Variants in CACNA1C observed in about 807,000 individuals in gnomAD.
CACNA1C encodes the protein voltage-dependent L-type calcium channel subunit alpha-1C.
In CACNA1C, 30 loss-of-function variants were observed where a neutral mutation model predicts 229.0. The ratio of observed to expected loss-of-function variants is 0.13; its 90% CI spans 0.10 to 0.18. The LOEUF (loss-of-function observed/expected upper bound fraction) is 0.18. Ranked by LOEUF, CACNA1C falls within the 10% of genes least tolerant of loss-of-function variation. The probability of loss-of-function intolerance (pLI) is 1.00; values close to 1 mark genes in which losing one functional copy is unlikely to be tolerated. For synonymous variants in CACNA1C, 1,114 were observed against 1,132.5 expected (o/e 0.98, Z 0.33); for missense variants, 1,658 against 2,845.0 (o/e 0.58, Z 9.49).
chr12:2,018,241 G>A (rs535669897), intron 1 of CACNA1C: 6 of 152,124 alleles, frequency 3.9e-5, no homozygotes, highest in African/African-American at 7.2e-5. Context: ...TCCACCACGC[G>A]GATAGCATAG....
intron 3 of CACNA1C, among the ~76,000 whole-genome samples, chr12:2,434,262 C>T (rs1315600944): frequency 6.6e-6 from 1 of 152,232 alleles, no homozygotes; most frequent in Admixed American, 6.5e-5. Context: ...GAGGCCATCA[C>T]ATCTCTTCAT....
At chr12:2,032,675 A>T (rs1007020835) in intron 1 of CACNA1C, among the ~76,000 whole-genome samples, 1 of 152,162 alleles carries the variant, frequency 6.6e-6, no homozygotes, top group African/African-American at 2.4e-5. Context: ...TTTATGAGTG[A>T]CCTTGTCTTG....
chr12:2,385,392 G>T (rs1427536280), intron 3 of CACNA1C, among the ~76,000 whole-genome samples: 1 of 151,820 alleles, frequency 6.6e-6, no homozygotes, highest in African/African-American at 2.4e-5. Flanking sequence ...AAAATGAGGT[G>T]ATCAGAAAAC....
At chr12:2,554,830 G>A (rs547486158) in intron 10 of CACNA1C, among the ~76,000 whole-genome samples, 10 of 152,196 alleles carry the variant, frequency 6.6e-5, no homozygotes, top group African/African-American at 4.8e-5. Flanking sequence ...GACAAAAGCC[G>A]CTGAGCAGTG....
Position 2,354,141 on chromosome 12 carries a change from C to A in CACNA1C, c.478-94835C>A, listed in dbSNP as rs1182486099. Among the ~76,000 whole-genome samples, 4 of 152,142 alleles carry A rather than the reference C, an allele frequency of 2.6e-5. No homozygotes were observed. The highest frequency in any genetic ancestry group is 9.7e-5 in the African/African-American group (4 of 41,440). On this transcript the variant is annotated intron_variant, in intron 3 of 46. Transcript: ENST00000399655. The surrounding 1 kb of genome is among the most constrained non-coding windows in gnomAD (Gnocchi z 4.6). ...ATGGAGTGGGGGCTGTCGGGAAGGA[C>A]TGGATGGAGTCTGTTTTTCCAGAAC... is the stretch of plus-strand genomic sequence containing the variant.
At chr12:2,336,268 A>G (rs1441862085) in intron 3 of CACNA1C, among the ~76,000 whole-genome samples, 2 of 152,232 alleles carry the variant, frequency 1.3e-5, no homozygotes, top group Non-Finnish European at 2.9e-5. Flanking sequence ...GTATTGGTCC[A>G]TCTACTTTGC....
intron 3 of CACNA1C, among the ~76,000 whole-genome samples, chr12:2,120,930 C>A (rs1020283602): frequency 5.9e-5 from 9 of 151,916 alleles, no homozygotes; most frequent in African/African-American, 2.2e-4. Flanking sequence ...GTTAGAAGGG[C>A]CTTATTTTAT....
chr12:2,388,621 G>A (rs1273436281), intron 3 of CACNA1C, among the ~76,000 whole-genome samples: 2 of 152,218 alleles, frequency 1.3e-5, no homozygotes, highest in Non-Finnish European at 2.9e-5. Flanking sequence ...TCCAAGTGTA[G>A]TTGATCAGTT....
chr12:2,474,855 T>G (rs1162119877), intron 5 of CACNA1C, among the ~76,000 whole-genome samples: 1 of 152,148 alleles, frequency 6.6e-6, no homozygotes, highest in African/African-American at 2.4e-5. Context: ...TCAACTGTCC[T>G]GCCGAGGACA....
At chr12:2,332,731 A>G (rs570672028) in intron 3 of CACNA1C, among the ~76,000 whole-genome samples, 2 of 152,346 alleles carry the variant, frequency 1.3e-5, no homozygotes, top group African/African-American at 4.8e-5. Context: ...AGTTTTTAAC[A>G]GCATGACAGC....
In CACNA1C at chr12:2,512,447, G is replaced by T. The variant is rs2099786700; in HGVS notation, c.1218-365G>T. ...ATGCATGTTCTGGAATGGTGGTGGAGGTTTTTAGTTACTGCTTGGAACGAG... is the reference window on the plus strand; with the variant it reads ...ATGCATGTTCTGGAATGGTGGTGGATGTTTTTAGTTACTGCTTGGAACGAG... On this transcript the variant is annotated intron_variant, in intron 8 of 46. Transcript: ENST00000399655. This position sits in a 1 kb window ranked among gnomAD's most constrained non-coding sequence, Gnocchi z 4.3. 6.6e-6 allele frequency among the ~76,000 whole-genome samples: 1 copy of T among 152,094 alleles called. No homozygotes were observed. The highest frequency in any genetic ancestry group is 6.6e-5 in the Admixed American group (1 of 15,262).
intron 9 of CACNA1C, among the ~76,000 whole-genome samples, chr12:2,536,348 G>A (rs546476604): frequency 2.0e-5 from 3 of 152,306 alleles, no homozygotes; most frequent in African/African-American, 7.2e-5. Context: ...CCTGGGGCCT[G>A]TGTCCATCCT....
At chr12:2,203,451 A>G (rs941993208) in intron 3 of CACNA1C, among the ~76,000 whole-genome samples, 1 of 152,072 alleles carries the variant, frequency 6.6e-6, no homozygotes, top group African/African-American at 2.4e-5. Context: ...CCTGCATTCA[A>G]TTACCCACCC....
chr12:2,542,999 C>A (rs975513589), intron 9 of CACNA1C, among the ~76,000 whole-genome samples: 24 of 152,312 alleles, frequency 1.6e-4, no homozygotes, highest in African/African-American at 5.5e-4. Context: ...TGGTCATTTT[C>A]TTAGCAAATC....
chr12:2,431,999 C>T (rs1232038999), intron 3 of CACNA1C, among the ~76,000 whole-genome samples: 1 of 152,188 alleles, frequency 6.6e-6, no homozygotes, highest in Admixed American at 6.5e-5. Context: ...ATCACTTTTC[C>T]CACAACTTCC....
At chr12:2,085,730 C>T (rs755502223) in intron 1 of CACNA1C, among the ~76,000 whole-genome samples, 13 of 152,156 alleles carry the variant, frequency 8.5e-5, no homozygotes, top group Non-Finnish European at 1.8e-4. Flanking sequence ...TGTACTGTGT[C>T]ACCAGGAAAC....
In CACNA1C at chr12:2,666,736, C is replaced by T. The variant is rs2096135811; in HGVS notation, c.4577C>T (p.Pro1526Leu). Residue 1526 changes from proline to leucine, a missense_variant, in exon 37 of 47, where the codon CCG (proline) becomes CTG (leucine). Physicochemically the swap from Pro to Leu is moderately conservative, Grantham distance 98. Transcript: ENST00000399655. The surrounding 1 kb of genome is among the most constrained non-coding windows in gnomAD (Gnocchi z 5.3). The stretch of plus-strand genomic sequence containing the variant: ...GTGACCCTCCTCCGGCGGATTCAGC[C>T]GCCACTAGGTTTTGGGAAGCTGTGC... ...DVVTLLRRIQ[P>L]PLGFGKLCPH... is the part of the protein sequence containing the mutation. 1 of 1,606,114 alleles carries T rather than the reference C, an allele frequency of 6.2e-7. No individual in the cohort carries two copies.
chr12:2,098,592 A>G (rs1400617683), intron 1 of CACNA1C, among the ~76,000 whole-genome samples: 1 of 152,224 alleles, frequency 6.6e-6, no homozygotes, highest in African/African-American at 2.4e-5. Flanking sequence ...CACCATTTTC[A>G]AGGATCTCTG....
chr12:2,173,475 A>C (rs1485010952), intron 3 of CACNA1C, among the ~76,000 whole-genome samples: 3 of 152,228 alleles, frequency 2.0e-5, no homozygotes, highest in Non-Finnish European at 4.4e-5. Flanking sequence ...ATGTGGGAAC[A>C]AAGACTGGCC....
Sources: gnomAD v4.1 joint callset for allele counts (sites outside exome capture counted in the v4.1 genomes callset) on GRCh38, gnomAD v4.1.1 for gene constraint, Gnocchi (gnomAD v3.1) non-coding constraint, MANE v1.5 for transcripts, NCBI Gene and HGNC (gene_info 2026-07-23, HGNC 2026-07-21) for gene names.